RASSF8: variants seen among roughly 807,000 people sequenced by gnomAD.
RASSF8 encodes the protein ras association domain-containing protein 8.
RASSF8 carries 22 observed loss-of-function variants against 48.5 expected under a neutral mutation model. The ratio of observed to expected loss-of-function variants is 0.45; its 90% confidence interval spans 0.32 to 0.65. RASSF8 has a LOEUF of 0.65. Ranked by LOEUF, RASSF8 falls within the 30% of genes least tolerant of loss-of-function variation. RASSF8 has a pLI of 0.03. For missense variants in RASSF8, 418 were observed against 489.2 expected (o/e 0.85, Z 1.37); for synonymous variants, 127 against 171.5 (o/e 0.74, Z 2.03).
chr12:25,998,695 T>G (rs1175885725), intron 2 of RASSF8, among the ~76,000 whole-genome samples: 1 of 152,154 alleles, frequency 6.6e-6, no homozygotes, highest in African/African-American at 2.4e-5. Context: ...TGCAAGATAT[T>G]GAATGCTAGC....
At chr12:25,996,095 C>T (rs879383620) in intron 2 of RASSF8, among the ~76,000 whole-genome samples, 1 of 152,144 alleles carries the variant, frequency 6.6e-6, no homozygotes, top group Non-Finnish European at 1.5e-5. Flanking sequence ...CTTTTGTAGA[C>T]CCTGGTATGT....
At chr12:26,002,741 C>T (rs1942292036) in intron 2 of RASSF8, among the ~76,000 whole-genome samples, 1 of 152,322 alleles carries the variant, frequency 6.6e-6, no homozygotes, top group East Asian at 1.9e-4. Flanking sequence ...TGCTTGATCT[C>T]TTGGATGTCT....
intron 2 of RASSF8, among the ~76,000 whole-genome samples, chr12:26,007,223 A>T (rs531217071): frequency 6.6e-6 from 1 of 151,896 alleles, no homozygotes; most frequent in African/African-American, 2.4e-5. Flanking sequence ...TGACCCTGAC[A>T]CCTCCCACTA....
intron 1 of RASSF8, among the ~76,000 whole-genome samples, chr12:25,983,090 G>C (rs1941781548): frequency 6.6e-6 from 1 of 152,058 alleles, no homozygotes; most frequent in Admixed American, 6.6e-5. Context: ...AGTAAACAAG[G>C]CATCATCGAT....
At chr12:26,054,279 C>G (rs1178935881) in intron 2 of RASSF8, among the ~76,000 whole-genome samples, 1 of 151,974 alleles carries the variant, frequency 6.6e-6, no homozygotes, top group African/African-American at 2.4e-5. Context: ...TTTTAGCAGG[C>G]TAGTAACATT....
At chr12:26,035,524 GAAATTATATATAA>G (rs1023816866) in intron 2 of RASSF8, among the ~76,000 whole-genome samples, 230 of 133,520 alleles carry the variant, frequency 1.7e-3, no homozygotes, top group African/African-American at 5.8e-3. Context: ...ATAATTATAT[GAAATTATATATAA>G]AAATTATATA....
chr12:26,041,333 T>C (rs1409358546), intron 2 of RASSF8, among the ~76,000 whole-genome samples: 1 of 152,230 alleles, frequency 6.6e-6, no homozygotes, highest in Non-Finnish European at 1.5e-5. Context: ...TTTCATTCTT[T>C]CTTAGAGGTC....
At chr12:25,960,777 T>C (rs890989310) in intron 1 of RASSF8, among the ~76,000 whole-genome samples, 6 of 152,168 alleles carry the variant, frequency 3.9e-5, no homozygotes, top group Admixed American at 2.0e-4. Context: ...GTCTGGGCTT[T>C]AGTAGCTTAG....
chr12:25,997,571 A>T (rs77611349), intron 2 of RASSF8, among the ~76,000 whole-genome samples: 1 of 152,140 alleles, frequency 6.6e-6, no homozygotes, highest in Non-Finnish European at 1.5e-5. Context: ...ACATAGGGGC[A>T]TTTTTGAATA....
At chr12:25,996,175 C>T (rs1368287297) in intron 2 of RASSF8, among the ~76,000 whole-genome samples, 1 of 152,104 alleles carries the variant, frequency 6.6e-6, no homozygotes, top group African/African-American at 2.4e-5. Flanking sequence ...TAGCCTGATT[C>T]TAATAAGGCA....
rs539005795 is a variant in RASSF8 at position 26,017,772 on chromosome 12, C to G, written c.-109+22642C>G. 2.0e-5 allele frequency among the ~76,000 whole-genome samples: 3 copies of G among 152,248 alleles called. No homozygotes were observed. The East Asian group carries it at 5.8e-4, about 29-fold the overall frequency. ...GGAGGACCCCAGAAAGCAAAAGCCG[C>G]TCCTCTTGCCCTTTCCTGTGTCTCA... On this transcript the variant is annotated intron_variant, in intron 2 of 5. Transcript: ENST00000689635.
rs1943951639 is a variant in RASSF8 at position 26,069,317 on chromosome 12, A to G, written c.*499A>G. The G allele has an allele frequency of 2.0e-6, 2 of 985,164 alleles. No individual in the cohort carries two copies. Among genetic ancestry groups the G allele is most frequent in the Non-Finnish European group, 2.4e-6 (2 of 829,490 alleles). 61.0% of individuals were successfully genotyped at this position (985,164 alleles called of 1,614,324 possible). On this transcript the variant is annotated 3_prime_UTR_variant, in exon 6 of 6. Coordinates refer to ENST00000689635, the MANE Select transcript of RASSF8 (RefSeq NM_001394098.1). ...TCCATGCATTGCTGATTTACACTACACAAGTGTCCTAGGGTGCTCCACCAT... is the reference window on the plus strand; with the variant it reads ...TCCATGCATTGCTGATTTACACTACGCAAGTGTCCTAGGGTGCTCCACCAT...
At chr12:26,032,560 T>C (rs1215908087) in intron 2 of RASSF8, among the ~76,000 whole-genome samples, 1 of 152,118 alleles carries the variant, frequency 6.6e-6, no homozygotes, top group African/African-American at 2.4e-5. Context: ...TACATTAGCA[T>C]GCAACAAAAA....
At chr12:25,995,544 GGCTA>G (rs1394219885) in intron 2 of RASSF8, among the ~76,000 whole-genome samples, 1 of 152,108 alleles carries the variant, frequency 6.6e-6, no homozygotes, top group African/African-American at 2.4e-5. Context: ...AAATCTTGAT[GGCTA>G]ACTAGTTTTT....
chr12:25,986,026 T>C (rs559933245), intron 1 of RASSF8, among the ~76,000 whole-genome samples: 5 of 152,334 alleles, frequency 3.3e-5, no homozygotes, highest in Admixed American at 2.6e-4. Flanking sequence ...CACAGGGCTA[T>C]AAAAGTGAAG....
chr12:26,001,771 T>C (rs893671471), intron 2 of RASSF8, among the ~76,000 whole-genome samples: 1 of 152,070 alleles, frequency 6.6e-6, no homozygotes, highest in Non-Finnish European at 1.5e-5. Flanking sequence ...TGCCTGAGGC[T>C]GTTTTACAGT....
chr12:26,009,690 T>C (rs1397003709), intron 2 of RASSF8, among the ~76,000 whole-genome samples: 1 of 152,148 alleles, frequency 6.6e-6, no homozygotes, highest in Non-Finnish European at 1.5e-5. Flanking sequence ...AAGTGCTGTG[T>C]CCTGGAAGAG....
At chr12:25,972,097 C>T (rs1270822414) in intron 1 of RASSF8, among the ~76,000 whole-genome samples, 4 of 152,182 alleles carry the variant, frequency 2.6e-5, no homozygotes, top group South Asian at 2.1e-4. Flanking sequence ...TGCCGGTAGA[C>T]ACTAAGTGTG....
chr12:25,967,385 A>T (rs770539398), intron 1 of RASSF8, among the ~76,000 whole-genome samples: 30 of 152,206 alleles, frequency 2.0e-4, no homozygotes, highest in Non-Finnish European at 4.0e-4. Flanking sequence ...TACACTTTTT[A>T]AAAAATGTTT....
Sources: allele counts gnomAD v4.1 joint callset (sites outside exome capture counted in the v4.1 genomes callset), GRCh38; gene constraint gnomAD v4.1.1; transcripts MANE v1.5; gene names NCBI Gene and HGNC (gene_info 2026-07-23, HGNC 2026-07-21).